The following NIPAL2 variants were observed in gnomAD, a reference collection of about 807,000 sequenced individuals.
The protein encoded by NIPAL2 is NIPA-like protein 2.
Under a neutral mutation model 48.9 loss-of-function variants are expected in NIPAL2, and 43 were observed. The ratio of observed to expected loss-of-function variants is 0.88; its 90% confidence interval spans 0.69 to 1.13. The LOEUF (loss-of-function observed/expected upper bound fraction) is 1.13, where lower values mean the gene tolerates loss of function less well. NIPAL2 is among the 50% of genes most tolerant of loss of function. The pLI, the probability that NIPAL2 is intolerant of heterozygous loss-of-function variation, is 0.00. For synonymous variants in NIPAL2, 167 were observed against 174.6 expected (o/e 0.96, Z 0.34); for missense variants, 446 against 461.4 (o/e 0.97, Z 0.31).
rs57611524 is a variant in NIPAL2, at chr8:98,284,418, TCACA to T, written c.135+9581_135+9584del. Among the ~76,000 whole-genome samples the T allele has an allele frequency of 1.3e-3, 188 of 146,226 alleles. 1 individual carries two copies. The highest frequency in any genetic ancestry group is 3.7e-3 in the Middle Eastern group (1 of 270). ...AAGGCATTCTCTCTCTCTCTCTCTC[TCACA>T]CACACACACACACACACACATACAC... On this transcript the variant is annotated intron_variant, in intron 1 of 10. Coordinates refer to ENST00000430223, the MANE Select transcript of NIPAL2 (RefSeq NM_001321635.2).
intron 2 of NIPAL2, 148 bp from the exon 3 acceptor site, chr8:98,252,782 A>G: frequency 3.0e-6 from 2 of 667,886 alleles, no homozygotes. Flanking sequence ...TTTTTGGGGA[A>G]TTATTGAAAA....
chr8:98,288,334 TC>T (rs1207286051), intron 1 of NIPAL2, among the ~76,000 whole-genome samples: 1 of 150,238 alleles, frequency 6.7e-6, no homozygotes, highest in African/African-American at 2.4e-5. Context: ...AATGATGATT[TC>T]CAATTTCATC....
intron 1 of NIPAL2, among the ~76,000 whole-genome samples, chr8:98,279,335 G>A (rs531126975): frequency 2.0e-5 from 3 of 152,146 alleles, no homozygotes; most frequent in Non-Finnish European, 4.4e-5. Flanking sequence ...ACAAATTCCT[G>A]CAATCAGAAG....
intron 8 of NIPAL2, among the ~76,000 whole-genome samples, chr8:98,196,868 T>A (rs1810574944): frequency 6.6e-6 from 1 of 152,212 alleles, no homozygotes; most frequent in Non-Finnish European, 1.5e-5. Context: ...ATTCTTCACC[T>A]TATCTCCTTA....
Position 98,256,648 on chromosome 8 carries a change from A to C in NIPAL2, c.136-2561T>G, listed in dbSNP as rs1813911813. On this transcript the variant is annotated intron_variant, in intron 1 of 10. Coordinates refer to ENST00000430223, the MANE Select transcript of NIPAL2 (RefSeq NM_001321635.2). ...GCTATAATTAAAAAAAAAAAGAGAA[A>C]AGAAGTGTTAGCAAAGATGGGGAGA... Among the ~76,000 whole-genome samples the C allele has an allele frequency of 2.6e-5, 4 of 152,150 alleles. 1 individual carries two copies. In the South Asian group the frequency reaches 8.3e-4, roughly 32 times the overall value.
At chr8:98,293,186 C>G (rs1816583472) in intron 1 of NIPAL2, among the ~76,000 whole-genome samples, 1 of 152,088 alleles carries the variant, frequency 6.6e-6, no homozygotes, top group Admixed American at 6.5e-5. Context: ...ATAAAAGTAT[C>G]CATGGTTTTG....
intron 7 of NIPAL2, 47 bp downstream of exon 7, chr8:98,205,064 A>C: frequency 1.3e-6 from 2 of 1,595,628 alleles, no homozygotes; most frequent in Non-Finnish European, 1.7e-6. Context: ...TGCCCAGAGA[A>C]GCACCGGAAT....
intron 1 of NIPAL2, among the ~76,000 whole-genome samples, chr8:98,293,793 G>A (rs763986622): frequency 1.3e-5 from 2 of 152,230 alleles, no homozygotes; most frequent in African/African-American, 4.8e-5. Flanking sequence ...CCGGGTGCCC[G>A]GGAGAGGAAG....
intron 1 of NIPAL2, among the ~76,000 whole-genome samples, chr8:98,255,208 G>A (rs1393418583): frequency 9.9e-5 from 15 of 152,166 alleles, no homozygotes; most frequent in Admixed American, 9.8e-4. Flanking sequence ...CGTTGCCCAA[G>A]ATGTTTATCA....
intron 8 of NIPAL2, among the ~76,000 whole-genome samples, chr8:98,196,846 A>C (rs142297258): frequency 2.6e-5 from 4 of 152,330 alleles, no homozygotes; most frequent in Non-Finnish European, 5.9e-5. Context: ...CCTATCCTCA[A>C]GGAGCTTTCT....
intron 1 of NIPAL2, among the ~76,000 whole-genome samples, chr8:98,280,757 T>G (rs184179595): frequency 0.06 from 1,752 of 29,170 alleles, 37 homozygotes; most frequent in East Asian, 0.1. Context: ...TATATATATA[T>G]ATATAGAGAG....
chr8:98,194,910 C>T lies in NIPAL2; in HGVS notation c.945-88G>A, dbSNP rs1048256454. The T allele has an allele frequency of 1.0e-5, 7 of 678,998 alleles. No individual in the cohort carries two copies. In the African/African-American group the frequency reaches 1.3e-4, roughly 13 times the overall value. The allele number at this position is 678,998 out of a possible 1,614,324, so 42.1% of individuals were successfully genotyped here. ...CTGAGCTCCATATTCTACATGATGA[C>T]ATAAATCCCATTGGTTTTGTTCTTC... On this transcript the variant is annotated intron_variant, in intron 9 of 10. Coordinates refer to ENST00000430223, the MANE Select transcript of NIPAL2 (RefSeq NM_001321635.2).
chr8:98,260,337 C>T (rs1466277925), intron 1 of NIPAL2, among the ~76,000 whole-genome samples: 10 of 152,106 alleles, frequency 6.6e-5, no homozygotes, highest in East Asian at 1.9e-4. Context: ...ACGCAGAAGA[C>T]GGTGATTTCT....
Position 98,294,013 on chromosome 8 carries a change from C to T in NIPAL2, c.125G>A (p.Arg42His). ...GNGSLSGDWY[R>H]RNQIHLFGVL... ...CGGGGCGGCCCTTACCTGGTTCCTG[C>T]GGTACCAGTCGCCCGAGAGGGAGCC... The change falls in exon 1 of 11, where the codon CGC (arginine) becomes CAC (histidine). Residue 42 changes from arginine to histidine, a missense_variant. Coordinates refer to ENST00000430223, the MANE Select transcript of NIPAL2 (RefSeq NM_001321635.2). The T allele has an allele frequency of 2.7e-6, 4 of 1,491,440 alleles. No individual in the cohort carries two copies. Among genetic ancestry groups the T allele is most frequent in the South Asian group, 1.3e-5 (1 of 78,294 alleles). The allele number at this position is 1,491,440 out of a possible 1,614,324, so 92.4% of individuals were successfully genotyped here.
At chr8:98,257,347 C>CTTT (rs1162654230) in intron 1 of NIPAL2, among the ~76,000 whole-genome samples, 11 of 58,024 alleles carry the variant, frequency 1.9e-4, no homozygotes, top group African/African-American at 3.4e-4. Context: ...TTCTTTCTTT[C>CTTT]TTTTTTTTTT....
At chr8:98,245,955 G>A (rs1011549845) in intron 3 of NIPAL2, among the ~76,000 whole-genome samples, 1 of 152,146 alleles carries the variant, frequency 6.6e-6, no homozygotes, top group African/African-American at 2.4e-5. Flanking sequence ...TAAAATCAAT[G>A]TCCGTGTGAA....
chr8:98,270,339 A>G (rs1226321064), intron 1 of NIPAL2, among the ~76,000 whole-genome samples: 1 of 152,128 alleles, frequency 6.6e-6, no homozygotes, highest in Non-Finnish European at 1.5e-5. Flanking sequence ...CAGCCTCACC[A>G]GCATCTGTTG....
At chr8:98,222,929 C>T (rs1811979558) in intron 4 of NIPAL2, among the ~76,000 whole-genome samples, 1 of 152,202 alleles carries the variant, frequency 6.6e-6, no homozygotes, top group South Asian at 2.1e-4. Context: ...AAAACACCTC[C>T]TAAGCTGACT....
intron 3 of NIPAL2, among the ~76,000 whole-genome samples, chr8:98,241,262 A>G (rs757716740): frequency 3.3e-5 from 5 of 152,260 alleles, no homozygotes; most frequent in Non-Finnish European, 7.3e-5. Context: ...ATGAATGGGC[A>G]GGAACACAAG....
Sources: allele counts gnomAD v4.1 joint callset (sites outside exome capture counted in the v4.1 genomes callset), GRCh38; gene constraint gnomAD v4.1.1; transcripts MANE v1.5; gene names NCBI Gene and HGNC (gene_info 2026-07-23, HGNC 2026-07-21).